ZNF385B: variants seen among roughly 807,000 people sequenced by gnomAD.
ZNF385B encodes zinc finger protein 533.
Under a neutral mutation model 39.2 loss-of-function variants are expected in ZNF385B, and 23 were observed. That is an observed-to-expected ratio of 0.59 (90% CI 0.42 to 0.83). The LOEUF is 0.83. Among genes scored for constraint, ZNF385B ranks in the 40% least tolerant of loss-of-function variants. ZNF385B has a pLI of 0.00. For missense variants in ZNF385B, 552 were observed against 598.9 expected (o/e 0.92, Z 0.82); for synonymous variants, 205 against 222.6 (o/e 0.92, Z 0.70).
intron 5 of ZNF385B, among the ~76,000 whole-genome samples, chr2:179,497,627 C>T (rs1238776737): frequency 6.7e-6 from 1 of 150,116 alleles, no homozygotes; most frequent in Non-Finnish European, 1.5e-5. Context: ...ACTAGAGGAA[C>T]ACAAAAAGGA....
chr2:179,577,529 G>A lies in ZNF385B; in HGVS notation c.299-32560C>T, dbSNP rs866803704. Among the ~76,000 whole-genome samples the A allele has an allele frequency of 4.7e-4, 72 of 152,100 alleles. 1 individual carries two copies. The highest frequency in any genetic ancestry group is 6.8e-3 in the Middle Eastern group (2 of 294). On this transcript the variant is annotated intron_variant, in intron 3 of 9. Transcript: ENST00000410066. The stretch of plus-strand genomic sequence containing the variant: ...TTAAAGAGAAACATTGCCCATGCAT[G>A]CCCAGTATATTTCTGGTAGAAAATG...
At chr2:179,605,314 T>C (rs1230416254) in intron 3 of ZNF385B, among the ~76,000 whole-genome samples, 1 of 152,152 alleles carries the variant, frequency 6.6e-6, no homozygotes, top group African/African-American at 2.4e-5. Flanking sequence ...TGCTATTTCA[T>C]TTCTGTCATA....
chr2:179,603,142 G>A (rs1688537446), intron 3 of ZNF385B, among the ~76,000 whole-genome samples: 1 of 152,190 alleles, frequency 6.6e-6, no homozygotes, highest in Admixed American at 6.5e-5. Context: ...CATTGGTGCT[G>A]AAGTAGGACA....
chr2:179,620,313 T>C (rs1690103392), intron 3 of ZNF385B, among the ~76,000 whole-genome samples: 1 of 152,150 alleles, frequency 6.6e-6, no homozygotes, highest in South Asian at 2.1e-4. Context: ...GCAACACCAC[T>C]CTGCAGTGAT....
Position 179,510,154 on chromosome 2 carries a change from C to G in ZNF385B, c.552+8374G>C, listed in dbSNP as rs562174959. On this transcript the variant is annotated intron_variant, in intron 5 of 9. Coordinates refer to ENST00000410066, the MANE Select transcript of ZNF385B (RefSeq NM_152520.6). ...ATACACTAAAGAAGCTGCTATCTAT[C>G]TTAAGGGATTTCAAGAGAAATGCAG... Among the ~76,000 whole-genome samples, 7 of 141,314 alleles carry G rather than the reference C, an allele frequency of 5.0e-5. No homozygotes were observed. In the East Asian group the frequency reaches 1.3e-3, roughly 26 times the overall value. The allele number at this position is 141,314 out of a possible 152,430, so 92.7% of individuals were successfully genotyped here.
At chr2:179,841,013 C>T (rs1708507949) in intron 1 of ZNF385B, among the ~76,000 whole-genome samples, 1 of 152,164 alleles carries the variant, frequency 6.6e-6, no homozygotes, top group Admixed American at 6.5e-5. Flanking sequence ...CTCCAGTGGT[C>T]CTCAGAATAC....
intron 6 of ZNF385B, among the ~76,000 whole-genome samples, chr2:179,470,978 C>A (rs1290637525): frequency 6.6e-6 from 1 of 152,126 alleles, no homozygotes; most frequent in Non-Finnish European, 1.5e-5. Context: ...GTCTTTGCCA[C>A]CCAGAGGACA....
At chr2:179,766,856 G>A (rs1184699742) in intron 3 of ZNF385B, among the ~76,000 whole-genome samples, 1 of 152,032 alleles carries the variant, frequency 6.6e-6, no homozygotes, top group Non-Finnish European at 1.5e-5. Flanking sequence ...AGGAAGACTG[G>A]CATTTTGTTT....
At chr2:179,609,602 A>G (rs766915901) in intron 3 of ZNF385B, among the ~76,000 whole-genome samples, 1 of 152,190 alleles carries the variant, frequency 6.6e-6, no homozygotes, top group Non-Finnish European at 1.5e-5. Context: ...TAGCAGTGGG[A>G]TTGTTGAATC....
chr2:179,770,866 A>G (rs1477949172), intron 1 of ZNF385B, among the ~76,000 whole-genome samples, 194 bp from the exon 2 acceptor site: 2 of 152,192 alleles, frequency 1.3e-5, no homozygotes, highest in African/African-American at 2.4e-5. Flanking sequence ...TGGTTGATGA[A>G]GATTGCCTTG....
chr2:179,672,712 A>T (rs1199976984), intron 3 of ZNF385B, among the ~76,000 whole-genome samples: 1 of 151,632 alleles, frequency 6.6e-6, no homozygotes, highest in Non-Finnish European at 1.5e-5. Flanking sequence ...TGCAGAGAAA[A>T]CTCTTTTTCA....
chr2:179,581,554 C>T (rs1016496528), intron 3 of ZNF385B, among the ~76,000 whole-genome samples: 1 of 152,190 alleles, frequency 6.6e-6, no homozygotes, highest in African/African-American at 2.4e-5. Flanking sequence ...TAATTATCTT[C>T]CAGATGATTT....
intron 6 of ZNF385B, among the ~76,000 whole-genome samples, chr2:179,453,302 A>G (rs1160736234): frequency 6.6e-6 from 1 of 152,148 alleles, no homozygotes; most frequent in African/African-American, 2.4e-5. Flanking sequence ...AGCAACTGGT[A>G]TTTAGTATTA....
chr2:179,727,188 A>T (rs1358417583), intron 3 of ZNF385B, among the ~76,000 whole-genome samples: 1 of 152,120 alleles, frequency 6.6e-6, no homozygotes, highest in African/African-American at 2.4e-5. Flanking sequence ...ATTTTATCTG[A>T]TAACCACTCA....
intron 3 of ZNF385B, among the ~76,000 whole-genome samples, chr2:179,758,709 G>C (rs914204254): frequency 1.3e-5 from 2 of 152,136 alleles, no homozygotes; most frequent in African/African-American, 2.4e-5. Context: ...TCCTTGAAGA[G>C]GGGTCTACTG....
chr2:179,737,534 T>G (rs967864192), intron 3 of ZNF385B, among the ~76,000 whole-genome samples: 3 of 152,144 alleles, frequency 2.0e-5, no homozygotes, highest in African/African-American at 7.2e-5. Flanking sequence ...GGTTTTAACT[T>G]TCAGACCCTA....
At chr2:179,602,183 A>T (rs537501946) in intron 3 of ZNF385B, among the ~76,000 whole-genome samples, 3 of 152,224 alleles carry the variant, frequency 2.0e-5, no homozygotes, top group Non-Finnish European at 4.4e-5. Context: ...GAATTAGACT[A>T]TTTGTATGAG....
chr2:179,556,833 T>C lies in ZNF385B; in HGVS notation c.299-11864A>G, dbSNP rs1406204714. The stretch of plus-strand genomic sequence containing the variant: ...GAATAGGGGAGACTAACACAGACTC[T>C]AGTGATGCCAAAAAGAAAAATGTAT... On this transcript the variant is annotated intron_variant, in intron 3 of 9. Coordinates refer to ENST00000410066, the MANE Select transcript of ZNF385B (RefSeq NM_152520.6). Among the ~76,000 whole-genome samples the C allele has an allele frequency of 4.0e-5, 6 of 149,160 alleles. 1 individual carries two copies. In the East Asian group the frequency reaches 7.7e-4, roughly 19 times the overall value.
rs527437693 is a variant in ZNF385B, at chr2:179,554,843, G to GATGAAGAT, written c.299-9882_299-9875dup. Among the ~76,000 whole-genome samples the GATGAAGAT allele has an allele frequency of 2.2e-3, 329 of 149,308 alleles. 34 individuals are homozygous for GATGAAGAT. The highest frequency in any genetic ancestry group is 7.0e-3 in the African/African-American group (278 of 39,672). On this transcript the variant is annotated intron_variant, in intron 3 of 9. Coordinates refer to ENST00000410066, the MANE Select transcript of ZNF385B (RefSeq NM_152520.6). Reference sequence around the variant, plus strand: ...AGAATGGTTCAATTTGATGAAGAAAGATGAAGATAATATTAAGTGTCGACA... The same window carrying GATGAAGAT: ...AGAATGGTTCAATTTGATGAAGAAAGATGAAGATATGAAGATAATATTAAGTGTCGACA...
Sources: allele counts gnomAD v4.1 joint callset (sites outside exome capture counted in the v4.1 genomes callset), GRCh38; gene constraint gnomAD v4.1.1; transcripts MANE v1.5; gene names NCBI Gene and HGNC (gene_info 2026-07-23, HGNC 2026-07-21).